Variants in FLNC observed in about 807,000 individuals in gnomAD.
FLNC encodes the protein filamin C, also known as filamin-C.
FLNC carries 91 observed loss-of-function variants against 254.3 expected under a neutral mutation model. The observed-to-expected ratio is 0.36, with a 90% CI of 0.30 to 0.43. The LOEUF (loss-of-function observed/expected upper bound fraction) is 0.43, where lower values mean the gene tolerates loss of function less well. FLNC is among the 20% of genes least tolerant of loss of function. FLNC has a pLI of 1.00. For synonymous variants in FLNC, 1,430 were observed against 1,577.2 expected, an observed-to-expected ratio of 0.91 and a Z score of 2.21; for missense variants, 2,853 against 3,802.6, an observed-to-expected ratio of 0.75 and a Z score of 6.57.
Position 128,830,635 on chromosome 7 carries a change from A to T in FLNC, c.-3A>T. Reference sequence around the variant, plus strand: ...CCCGGCCGCACCCCCAGCCCGCGCCAGCATGATGAACAACAGCGGCTACTC... The same window carrying T: ...CCCGGCCGCACCCCCAGCCCGCGCCTGCATGATGAACAACAGCGGCTACTC... On this transcript the variant is annotated 5_prime_UTR_variant, in exon 1 of 48. Coordinates refer to ENST00000325888, the MANE Select transcript of FLNC (RefSeq NM_001458.5). The T allele has an allele frequency of 6.2e-7, 1 of 1,611,908 alleles. No individual in the cohort carries two copies. The highest frequency in any genetic ancestry group is 1.3e-5 in the African/African-American group (1 of 75,032).
chr7:128,837,853 C>A, intron 5 of FLNC, 98 bp downstream of exon 5: 2 of 1,370,490 alleles, frequency 1.5e-6, no homozygotes, highest in Non-Finnish European at 2.1e-6. Flanking sequence ...ACTGCCAGAG[C>A]CACACACTGT....
At chr7:128,849,871 A>G (rs1585164980) in intron 30 of FLNC, 105 bp from the exon 31 acceptor site, 1 of 890,746 alleles carries the variant, frequency 1.1e-6, no homozygotes, top group Non-Finnish European at 1.8e-6. Context: ...GAGGATGAAC[A>G]CCCAAATTAT....
Position 128,841,265 on chromosome 7 carries a change from G to C in FLNC, c.1909G>C (p.Glu637Gln). ...DVRYWPTEPG[E>Q]YAVHVICDDE... Reference sequence around the variant, plus strand: ...GCGGTACTGGCCCACGGAGCCTGGGGAGTACGCTGTGCACGTCATCTGTGA... The same window carrying C: ...GCGGTACTGGCCCACGGAGCCTGGGCAGTACGCTGTGCACGTCATCTGTGA... Residue 637 changes from glutamate (E) to glutamine (Q), a missense_variant, in exon 12 of 48, where the codon GAG becomes CAG. By Grantham distance (29) the Glu-to-Gln change is conservative. This residue lies in a region of FLNC where 1,573 missense variants were observed against 1,883.5 expected (regional missense o/e 0.84). Coordinates refer to ENST00000325888, the MANE Select transcript of FLNC (RefSeq NM_001458.5). This position sits in a 1 kb window ranked among gnomAD's most constrained non-coding sequence, Gnocchi z 4.3. The C allele has an allele frequency of 6.2e-7, 1 of 1,614,162 alleles. No homozygotes were observed. Among genetic ancestry groups the C allele is most frequent in the Non-Finnish European group, 8.5e-7 (1 of 1,180,014 alleles).
At chr7:128,840,261 A>T in intron 9 of FLNC, 101 bp downstream of exon 9, 1 of 1,407,446 alleles carries the variant, frequency 7.1e-7, no homozygotes, top group Non-Finnish European at 9.9e-7. Context: ...AGCCAGCACC[A>T]CAGCTCCACA....
At chr7:128,834,691 A>G (rs1033177378) in intron 1 of FLNC, among the ~76,000 whole-genome samples, 5 of 152,198 alleles carry the variant, frequency 3.3e-5, no homozygotes, top group Admixed American at 2.6e-4. Flanking sequence ...CCAAAAAAAA[A>G]GAGAGTATAT....
chr7:128,854,347 G>C, intron 40 of FLNC, 66 bp from the exon 41 acceptor site: 1 of 1,596,142 alleles, frequency 6.3e-7, no homozygotes. Context: ...TTTAACTGAT[G>C]GGGGAGGGAA....
chr7:128,852,482 C>A lies in FLNC; in HGVS notation c.5843-109C>A, dbSNP rs1808858956. 6 of 1,290,896 alleles carry A rather than the reference C, an allele frequency of 4.6e-6. No individual in the cohort carries two copies. In the Admixed American group the frequency reaches 1.0e-4, roughly 22 times the overall value. The allele number at this position is 1,290,896 out of a possible 1,614,324, so 80.0% of individuals were successfully genotyped here. A position where few individuals can be genotyped will look rare whatever the true frequency, so the allele number is the denominator to read the frequency against. ...GGCCTCCGTGCACCTGGGAGTGGCCCCCCGTGTCTGTTGAGTCCAGGGGGG... is the reference window on the plus strand; with the variant it reads ...GGCCTCCGTGCACCTGGGAGTGGCCACCCGTGTCTGTTGAGTCCAGGGGGG... On this transcript the variant is annotated intron_variant, in intron 35 of 47. Transcript: ENST00000325888.
At position 128,842,399 on chromosome 7, in the gene FLNC, G is replaced by T. The variant is rs1808372270; in HGVS notation, c.2265+25G>T. ...GGTGCGTCCTCCCGGCCTGCCCCGTGCCCACCACCAGGGGTCCCTGAGGGA... is the reference window on the plus strand; with the variant it reads ...GGTGCGTCCTCCCGGCCTGCCCCGTTCCCACCACCAGGGGTCCCTGAGGGA... On this transcript the variant is annotated intron_variant, in intron 14 of 47. Transcript: ENST00000325888. The surrounding 1 kb of genome is among the most constrained non-coding windows in gnomAD (Gnocchi z 5.4). 6.2e-7 allele frequency: 1 copy of T among 1,613,050 alleles called. No individual in the cohort carries two copies. Among genetic ancestry groups the T allele is most frequent in the Non-Finnish European group, 8.5e-7 (1 of 1,179,968 alleles).
In FLNC at chr7:128,847,706, T is replaced by A. The variant is rs2128937234; in HGVS notation, c.4298T>A (p.Phe1433Tyr). Residue 1433 changes from phenylalanine (F) to tyrosine (Y), a missense_variant, in exon 25 of 48, where the codon TTC (phenylalanine) becomes TAC (tyrosine). Around this residue, in one of 10 missense-constraint regions of FLNC, gnomAD observed 1,573 missense variants for 1,883.5 expected, o/e 0.84. Coordinates refer to ENST00000325888, the MANE Select transcript of FLNC (RefSeq NM_001458.5). ...GTCCTTCTCCTCACAGGGAGCCCGT[T>A]CCGCGTGCCAGTGAAGGATGTGGTG... Reference protein sequence around the residue: ...FGGRPIPGSPFRVPVKDVVDP... With the variant: ...FGGRPIPGSPYRVPVKDVVDP... The A allele has an allele frequency of 6.2e-7, 1 of 1,614,022 alleles. No homozygotes were observed. Among genetic ancestry groups the A allele is most frequent in the Non-Finnish European group, 8.5e-7 (1 of 1,179,944 alleles).
intron 8 of FLNC, among the ~76,000 whole-genome samples, chr7:128,839,600 G>A (rs1319883493): frequency 6.6e-6 from 1 of 152,238 alleles, no homozygotes; most frequent in African/African-American, 2.4e-5. Flanking sequence ...TGTGTTGTAT[G>A]GCAGGCTTCG....
At position 128,844,662 on chromosome 7, in the gene FLNC, G is replaced by C; in HGVS notation, c.3197G>C (p.Cys1066Ser). Reference protein sequence around the residue: ...GVLPPDPSKVCAYGPGLKGGL... With the variant: ...GVLPPDPSKVSAYGPGLKGGL... ...ACAACCTGCCTCTTCCCCTAGGTCT[G>C]TGCTTATGGCCCGGGTCTCAAGGGT... Residue 1066 changes from cysteine (C) to serine (S), a missense_variant, in exon 21 of 48, where the codon TGT becomes TCT. Transcript: ENST00000325888. The C allele has an allele frequency of 6.2e-7, 1 of 1,611,778 alleles. No individual in the cohort carries two copies. The highest frequency in any genetic ancestry group is 8.5e-7 in the Non-Finnish European group (1 of 1,179,990).
chr7:128,840,125 G>A lies in FLNC; in HGVS notation c.1514G>A (p.Gly505Asp), dbSNP rs185847889. ...TTCAAGGTGTTTACCAAGGGTGCCG[G>A]CAGCGGGGAGCTCAAGGTCACGGTC... ...ADFKVFTKGA[G>D]SGELKVTVKG... Residue 505 changes from glycine (G) to aspartate (D), a missense_variant, in exon 9 of 48, where the codon GGC becomes GAC. Gly to Asp is a moderately conservative substitution (Grantham distance 94). Transcript: ENST00000325888. 2 of 1,614,084 alleles carry A rather than the reference G, an allele frequency of 1.2e-6. No homozygotes were observed. The highest frequency in any genetic ancestry group is 1.3e-5 in the African/African-American group (1 of 75,056).
At position 128,843,900 on chromosome 7, in the gene FLNC, G is replaced by A. The variant is rs2128936110; in HGVS notation, c.2916G>A (p.Gln972=). 6.2e-7 allele frequency: 1 copy of A among 1,614,126 alleles called. No individual in the cohort carries two copies. The highest frequency in any genetic ancestry group is 8.5e-7 in the Non-Finnish European group (1 of 1,180,026). ...TGGACCTCAGCAAAATCAAAGTTCA[G>A]GGCCTTAATAGCAGTAAGTGGGGCA... ...PPLDLSKIKV[Q]GLNSKVAVGQ... is the part of the protein sequence containing the mutation. The change falls in exon 19 of 48, where the codon CAG becomes CAA. Residue 972 remains glutamine, a synonymous_variant. Transcript: ENST00000325888.
rs780917403 is a variant in FLNC, at chr7:128,857,120, G to A, written c.7564G>A (p.Val2522Met). 4.3e-6 allele frequency: 7 copies of A among 1,613,878 alleles called. No homozygotes were observed. The highest frequency in any genetic ancestry group is 4.0e-5 in the African/African-American group (3 of 74,918). The change falls in exon 46 of 48, where the codon GTG becomes ATG. Residue 2522 changes from valine to methionine, a missense_variant and splice_region_variant. Physicochemically the swap from Val to Met is conservative, Grantham distance 21. Around this residue, in one of 10 missense-constraint regions of FLNC, gnomAD observed 197 missense variants for 351.5 expected, o/e 0.56. Coordinates refer to ENST00000325888, the MANE Select transcript of FLNC (RefSeq NM_001458.5). The surrounding 1 kb of genome is among the most constrained non-coding windows in gnomAD (Gnocchi z 4.5). ...GPGLEGGTTG[V>M]SSEFIVNTLN... ...GCCTTGCTACCTCTGGCCCCCAGGT[G>A]TGTCATCAGAGTTCATCGTGAACAC...
Position 128,854,464 on chromosome 7 carries a change from A to C in FLNC, c.6779A>C (p.Lys2260Thr), listed in dbSNP as rs751019991. The change falls in exon 41 of 48, where the codon AAG becomes ACG. Residue 2260 changes from lysine to threonine, a missense_variant. Lys to Thr is a moderately conservative substitution (Grantham distance 78). Transcript: ENST00000325888. ...GCACAGGTGACCAGCCCATCGGGCAAGGTGGAAGCCGCAGAGATCGTCGAG... is the reference window on the plus strand; with the variant it reads ...GCACAGGTGACCAGCCCATCGGGCACGGTGGAAGCCGCAGAGATCGTCGAG... ...MTAQVTSPSGKVEAAEIVEGE... is the reference protein window; with the variant it reads ...MTAQVTSPSGTVEAAEIVEGE... The C allele has an allele frequency of 6.2e-7, 1 of 1,609,130 alleles. No homozygotes were observed. Among genetic ancestry groups the C allele is most frequent in the African/African-American group, 1.3e-5 (1 of 74,892 alleles).
Position 128,852,772 on chromosome 7 carries a change from G to A in FLNC, c.6004+20G>A, listed in dbSNP as rs753642346. The A allele has an allele frequency of 1.2e-6, 2 of 1,613,316 alleles. No homozygotes were observed. Among genetic ancestry groups the A allele is most frequent in the South Asian group, 2.2e-5 (2 of 91,080 alleles). ...ACATTGGTGAGCGTGGGGCCTCACGGGGACCTCAGGGGTGGGGGCCCACAG... is the reference window on the plus strand; with the variant it reads ...ACATTGGTGAGCGTGGGGCCTCACGAGGACCTCAGGGGTGGGGGCCCACAG... On this transcript the variant is annotated intron_variant, in intron 36 of 47. Coordinates refer to ENST00000325888, the MANE Select transcript of FLNC (RefSeq NM_001458.5).
Position 128,851,502 on chromosome 7 carries a change from T to G in FLNC, c.5716T>G (p.Cys1906Gly). The change falls in exon 35 of 48, where the codon TGT becomes GGT. Residue 1906 changes from cysteine to glycine, a missense_variant. By Grantham distance (159) the Cys-to-Gly change is radical. This residue lies in a region of FLNC where 551 missense variants were observed against 835.0 expected (regional missense o/e 0.66). Transcript: ENST00000325888. ...GGGCCCATCCAAGGCAGAGATCACC[T>G]GTAAGGACAACAAGGATGGCACCTG... ...VEGPSKAEIT[C>G]KDNKDGTCTV... 1 of 1,613,986 alleles carries G rather than the reference T, an allele frequency of 6.2e-7. No homozygotes were observed. The highest frequency in any genetic ancestry group is 8.5e-7 in the Non-Finnish European group (1 of 1,180,038).
chr7:128,848,520 C>T (rs762172609), intron 26 of FLNC, 41 bp from the exon 27 acceptor site: 81 of 1,610,768 alleles, frequency 5.0e-5, no homozygotes, highest in Non-Finnish European at 6.5e-5. Context: ...CCGCCCCGTC[C>T]ATGCCACCCA....
Position 128,856,892 on chromosome 7 carries a change from A to G in FLNC, c.7532A>G (p.Tyr2511Cys). ...GGGGACCCAGGCTTGGTGTCAGCCT[A>G]CGGTCCTGGGCTCGAGGGAGGCACT... is the stretch of plus-strand genomic sequence containing the variant. ...QAGDPGLVSA[Y>C]GPGLEGGTTG... The change falls in exon 45 of 48, where the codon TAC (tyrosine) becomes TGC (cysteine). Residue 2511 changes from tyrosine to cysteine, a missense_variant. Coordinates refer to ENST00000325888, the MANE Select transcript of FLNC (RefSeq NM_001458.5). The surrounding 1 kb of genome is among the most constrained non-coding windows in gnomAD (Gnocchi z 5.9). 6.2e-7 allele frequency: 1 copy of G among 1,614,144 alleles called. No individual in the cohort carries two copies. Among genetic ancestry groups the G allele is most frequent in the Middle Eastern group, 1.6e-4 (1 of 6,062 alleles).
Sources: gnomAD v4.1 joint callset for allele counts (sites outside exome capture counted in the v4.1 genomes callset) on GRCh38, gnomAD v4.1.1 for gene constraint, gnomAD v4.1.1 regional missense constraint, Gnocchi (gnomAD v3.1) non-coding constraint, MANE v1.5 for transcripts, NCBI Gene and HGNC (gene_info 2026-07-23, HGNC 2026-07-21) for gene names.